AUTS2: variants seen among roughly 807,000 people sequenced by gnomAD.
AUTS2 encodes the protein autism susceptibility gene 2 protein.
AUTS2 carries 17 observed loss-of-function variants against 112.4 expected under a neutral mutation model. That is an observed-to-expected ratio of 0.15 (90% CI 0.10 to 0.23). The LOEUF (loss-of-function observed/expected upper bound fraction) is 0.23. AUTS2 is among the 10% of genes least tolerant of loss of function. The probability of loss-of-function intolerance (pLI) is 1.00; values close to 1 mark genes in which losing one functional copy is unlikely to be tolerated. For missense variants in AUTS2, 1,510 were observed against 1,701.6 expected (o/e 0.89, Z 1.98); for synonymous variants, 751 against 702.7 (o/e 1.07, Z -1.09).
chr7:69,874,278 T>TA (rs1424155313), intron 1 of AUTS2, among the ~76,000 whole-genome samples: 2 of 151,994 alleles, frequency 1.3e-5, no homozygotes, highest in African/African-American at 2.4e-5. Context: ...CTGGGAAACT[T>TA]AAAGTAGTTT....
At position 69,648,826 on chromosome 7, in the gene AUTS2, G is replaced by C. The variant is rs982866546; in HGVS notation, c.309+48864G>C. Among the ~76,000 whole-genome samples the C allele has an allele frequency of 5.3e-5, 8 of 152,148 alleles. No homozygotes were observed. The East Asian group carries it at 1.5e-3, about 29-fold the overall frequency. Reference sequence around the variant, plus strand: ...ATTAATATCTGCCAGATAGGTTTAAGTTTGCAAAATGCCTTGAGTTCCTTG... The same window carrying C: ...ATTAATATCTGCCAGATAGGTTTAACTTTGCAAAATGCCTTGAGTTCCTTG... On this transcript the variant is annotated intron_variant, in intron 1 of 18. Transcript: ENST00000342771.
At chr7:70,302,801 G>A (rs1354848461) in intron 4 of AUTS2, among the ~76,000 whole-genome samples, 1 of 151,828 alleles carries the variant, frequency 6.6e-6, no homozygotes, top group Non-Finnish European at 1.5e-5. Flanking sequence ...ACCTTTTACT[G>A]CCTGCCCCAC....
At chr7:70,666,190 C>G (rs910539642) in intron 5 of AUTS2, among the ~76,000 whole-genome samples, 5 of 152,156 alleles carry the variant, frequency 3.3e-5, no homozygotes, top group African/African-American at 1.2e-4. Context: ...CTCTCTGTGC[C>G]CCAATTTCTT....
intron 4 of AUTS2, among the ~76,000 whole-genome samples, chr7:70,150,783 C>T (rs796272608): frequency 6.6e-6 from 1 of 152,072 alleles, no homozygotes; most frequent in Non-Finnish European, 1.5e-5. Flanking sequence ...TCAAATTAAT[C>T]CCTAATATGC....
intron 1 of AUTS2, among the ~76,000 whole-genome samples, chr7:69,693,824 G>C (rs1562815836): frequency 6.6e-6 from 1 of 152,216 alleles, no homozygotes; most frequent in Admixed American, 6.5e-5. Context: ...GGTTCTCAAA[G>C]CATGGTTATT....
intron 4 of AUTS2, among the ~76,000 whole-genome samples, chr7:70,186,099 T>A (rs1029006265): frequency 2.0e-5 from 3 of 152,176 alleles, no homozygotes; most frequent in Non-Finnish European, 2.9e-5. Flanking sequence ...GGTAATTTCT[T>A]TTTGCCTTGA....
At chr7:70,222,563 A>T (rs1584896463) in intron 4 of AUTS2, among the ~76,000 whole-genome samples, 1 of 151,796 alleles carries the variant, frequency 6.6e-6, no homozygotes, top group African/African-American at 2.4e-5. Flanking sequence ...CTAAGGAATC[A>T]CCCTATCTTC....
intron 1 of AUTS2, among the ~76,000 whole-genome samples, chr7:69,807,144 G>T (rs1790344616): frequency 6.6e-6 from 1 of 152,150 alleles, no homozygotes; most frequent in Non-Finnish European, 1.5e-5. Flanking sequence ...GTTTGAATAA[G>T]ATGAGCACAA....
At position 69,894,252 on chromosome 7, in the gene AUTS2, GTTTTTTTTTTTTTT is replaced by G. The variant is rs370966756; in HGVS notation, c.310-5021_310-5008del. ...GACTGTCAAATGAATGCCTTAAAGC[GTTTTTTTTTTTTTT>G]TTTTTTTTTTTTAACAGATTTCTTT... On this transcript the variant is annotated intron_variant, in intron 1 of 18. Coordinates refer to ENST00000342771, the MANE Select transcript of AUTS2 (RefSeq NM_015570.4). Among the ~76,000 whole-genome samples the G allele has an allele frequency of 1.1e-4, 4 of 36,742 alleles. 1 individual carries two copies. The highest frequency in any genetic ancestry group is 3.1e-3 in the South Asian group (2 of 646). The allele number at this position is 36,742 out of a possible 152,430, so 24.1% of individuals were successfully genotyped here.
At chr7:70,439,946 C>T (rs1796059647) in intron 5 of AUTS2, among the ~76,000 whole-genome samples, 1 of 152,146 alleles carries the variant, frequency 6.6e-6, no homozygotes, top group African/African-American at 2.4e-5. Flanking sequence ...GCCCAGTGGC[C>T]AAGCACTTGG....
intron 1 of AUTS2, among the ~76,000 whole-genome samples, chr7:69,721,907 A>G (rs553104271): frequency 4.6e-5 from 7 of 152,252 alleles, no homozygotes; most frequent in African/African-American, 1.2e-4. Flanking sequence ...AAGCATGACA[A>G]AGGGGCCTGA....
At chr7:69,610,320 C>T (rs1229282691) in intron 1 of AUTS2, among the ~76,000 whole-genome samples, 5 of 152,204 alleles carry the variant, frequency 3.3e-5, no homozygotes, top group African/African-American at 1.2e-4. Flanking sequence ...AGAGGCTCTG[C>T]CTCCCATTTA....
chr7:70,145,623 T>TCAA (rs1807086947), intron 4 of AUTS2, among the ~76,000 whole-genome samples: 2 of 152,162 alleles, frequency 1.3e-5, no homozygotes, highest in African/African-American at 4.8e-5. Context: ...AGGTCTATGT[T>TCAA]ATACACAGTA....
rs1006348117 is a variant in AUTS2, at chr7:69,624,934, G to GC, written c.309+24978dup. On this transcript the variant is annotated intron_variant, in intron 1 of 18. Coordinates refer to ENST00000342771, the MANE Select transcript of AUTS2 (RefSeq NM_015570.4). ...CCAGTTTTCTCCCCTCGGTGCCCCC[G>GC]CCCCCCACCCCCTTTCTTGTCACTA... is the stretch of plus-strand genomic sequence containing the variant. 4.6e-5 allele frequency among the ~76,000 whole-genome samples: 4 copies of GC among 86,112 alleles called. No homozygotes were observed. In the South Asian group the frequency reaches 1.1e-3, roughly 23 times the overall value. The allele number at this position is 86,112 out of a possible 152,430, so 56.5% of individuals were successfully genotyped here. A position where few individuals can be genotyped will look rare whatever the true frequency, so the allele number is the denominator to read the frequency against.
At chr7:69,799,789 C>A (rs1790003488) in intron 1 of AUTS2, among the ~76,000 whole-genome samples, 1 of 152,108 alleles carries the variant, frequency 6.6e-6, no homozygotes, top group Admixed American at 6.5e-5. Flanking sequence ...CTCTCCCCGC[C>A]CCCTCCTGGT....
At chr7:70,258,127 AG>A (rs942696249) in intron 4 of AUTS2, among the ~76,000 whole-genome samples, 16 of 152,234 alleles carry the variant, frequency 1.1e-4, no homozygotes, top group Admixed American at 5.9e-4. Context: ...TGTTTATGGC[AG>A]GGCTGTAATG....
At chr7:70,333,160 G>C (rs1260077874) in intron 4 of AUTS2, among the ~76,000 whole-genome samples, 3 of 152,180 alleles carry the variant, frequency 2.0e-5, no homozygotes, top group African/African-American at 7.2e-5. Flanking sequence ...GATCTGAACA[G>C]ACACTTCTCA....
chr7:70,147,008 T>C (rs1807160885), intron 4 of AUTS2, among the ~76,000 whole-genome samples: 1 of 152,142 alleles, frequency 6.6e-6, no homozygotes, highest in Non-Finnish European at 1.5e-5. Flanking sequence ...ACCATCTATT[T>C]ATTCTCATTT....
intron 15 of AUTS2, 198 bp downstream of exon 15, chr7:70,781,954 A>C: frequency 1.6e-6 from 1 of 632,180 alleles, no homozygotes; most frequent in Non-Finnish European, 2.6e-6. Context: ...TTAAAGGAGG[A>C]GGCAGAGATC....
Sources: allele counts gnomAD v4.1 joint callset (sites outside exome capture counted in the v4.1 genomes callset), GRCh38; gene constraint gnomAD v4.1.1; transcripts MANE v1.5; gene names NCBI Gene and HGNC (gene_info 2026-07-23, HGNC 2026-07-21).